RIMS2: variants seen among roughly 807,000 people sequenced by gnomAD.
RIMS2 encodes regulating synaptic membrane exocytosis 2.
A neutral mutation model predicts 174.4 loss-of-function variants in RIMS2; 59 were observed. The observed-to-expected ratio is 0.34, with a 90% CI of 0.27 to 0.42. RIMS2 has a LOEUF of 0.42. Among genes scored for constraint, RIMS2 ranks in the 10% least tolerant of loss-of-function variants. RIMS2 has a pLI of 1.00. For missense variants in RIMS2, 1,620 were observed against 1,666.3 expected (o/e 0.97, Z 0.48); for synonymous variants, 606 against 572.5 (o/e 1.06, Z -0.84).
At chr8:104,195,274 G>A (rs1428066977) in intron 19 of RIMS2, among the ~76,000 whole-genome samples, 1 of 152,084 alleles carries the variant, frequency 6.6e-6, no homozygotes, top group Non-Finnish European at 1.5e-5. Flanking sequence ...TTGAGGAAGA[G>A]GTAGAAGTCA....
At chr8:103,839,454 TTC>T (rs2098926439) in intron 3 of RIMS2, among the ~76,000 whole-genome samples, 1 of 152,192 alleles carries the variant, frequency 6.6e-6, no homozygotes, top group Non-Finnish European at 1.5e-5. Context: ...TCTTTTTTTT[TTC>T]TTTGTCATAG....
intron 1 of RIMS2, among the ~76,000 whole-genome samples, chr8:103,520,687 A>G (rs2130406534): frequency 6.6e-6 from 1 of 152,216 alleles, no homozygotes; most frequent in Non-Finnish European, 1.5e-5. Flanking sequence ...AAGCCCTGCT[A>G]TGGACTTACC....
intron 19 of RIMS2, among the ~76,000 whole-genome samples, chr8:104,037,360 T>G (rs2096537978): frequency 6.6e-6 from 1 of 152,214 alleles, no homozygotes. Context: ...ATCTTCATGC[T>G]TCTGTTTCAT....
In RIMS2 at chr8:104,152,196, T is replaced by C. The variant is rs1421112005; in HGVS notation, c.3335-92720T>C. On this transcript the variant is annotated intron_variant, in intron 19 of 23. Coordinates refer to ENST00000504942, the Ensembl canonical transcript of RIMS2. Reference sequence around the variant, plus strand: ...GGCAGATTTAAGAAATGTAGTCTTGTTTCTTGTTATATCATAAAGTTCCTT... The same window carrying C: ...GGCAGATTTAAGAAATGTAGTCTTGCTTCTTGTTATATCATAAAGTTCCTT... 2.0e-5 allele frequency among the ~76,000 whole-genome samples: 3 copies of C among 152,198 alleles called. 1 individual carries two copies. The highest frequency in any genetic ancestry group is 4.4e-5 in the Non-Finnish European group (3 of 68,022).
intron 15 of RIMS2, among the ~76,000 whole-genome samples, chr8:103,962,915 A>G (rs550805513): frequency 3.9e-5 from 6 of 152,288 alleles, no homozygotes; most frequent in Admixed American, 3.3e-4. Flanking sequence ...TACCTTTAGT[A>G]CTCAAAAATT....
chr8:103,677,360 T>G (rs1333625635), intron 1 of RIMS2, among the ~76,000 whole-genome samples: 5 of 152,202 alleles, frequency 3.3e-5, no homozygotes, highest in African/African-American at 1.2e-4. Flanking sequence ...AGTTTCTACC[T>G]GACCTAGTCA....
chr8:104,077,870 C>T (rs1387974361), intron 19 of RIMS2, among the ~76,000 whole-genome samples: 1 of 151,486 alleles, frequency 6.6e-6, no homozygotes, highest in Non-Finnish European at 1.5e-5. Context: ...TGGCCGGGCA[C>T]GGTGGCTCAC....
intron 19 of RIMS2, among the ~76,000 whole-genome samples, chr8:104,204,804 C>A (rs950072218): frequency 6.6e-6 from 1 of 152,080 alleles, no homozygotes; most frequent in Admixed American, 6.6e-5. Context: ...AGATTACAAC[C>A]CCTCTATAAG....
chr8:103,853,219 A>G (rs560045262), intron 3 of RIMS2, among the ~76,000 whole-genome samples: 7 of 152,044 alleles, frequency 4.6e-5, no homozygotes, highest in East Asian at 3.9e-4. Flanking sequence ...GGCTGCGTGT[A>G]TGTCTTCCTT....
chr8:103,645,599 C>T (rs1252208985), intron 1 of RIMS2, among the ~76,000 whole-genome samples: 2 of 152,028 alleles, frequency 1.3e-5, no homozygotes, highest in Non-Finnish European at 2.9e-5. Context: ...ATCACATAGT[C>T]ATAAGTTTAC....
At chr8:103,508,025 T>A (rs536113688) in intron 1 of RIMS2, among the ~76,000 whole-genome samples, 1 of 152,266 alleles carries the variant, frequency 6.6e-6, no homozygotes, top group African/African-American at 2.4e-5. Context: ...TTACTAGTAG[T>A]TTATTGCCTC....
chr8:103,935,218 A>G (rs923435810), intron 12 of RIMS2, among the ~76,000 whole-genome samples: 1 of 152,204 alleles, frequency 6.6e-6, no homozygotes, highest in Non-Finnish European at 1.5e-5. Context: ...TCCCATACAC[A>G]TTATCACTTC....
intron 19 of RIMS2, among the ~76,000 whole-genome samples, chr8:104,124,850 C>T (rs1472065083): frequency 6.6e-6 from 1 of 152,092 alleles, no homozygotes; most frequent in Non-Finnish European, 1.5e-5. Flanking sequence ...CCAATGATGA[C>T]AATCAGCATT....
intron 14 of RIMS2, among the ~76,000 whole-genome samples, chr8:103,948,431 C>A (rs1289120161): frequency 1.3e-5 from 2 of 152,196 alleles, no homozygotes; most frequent in Non-Finnish European, 2.9e-5. Context: ...TCCAAATATT[C>A]ATCAACCTGT....
intron 19 of RIMS2, among the ~76,000 whole-genome samples, chr8:104,134,203 G>A (rs774003445): frequency 2.0e-5 from 3 of 152,138 alleles, no homozygotes; most frequent in Non-Finnish European, 2.9e-5. Flanking sequence ...AGTGGCTCAC[G>A]CCTGTAATTC....
chr8:103,619,270 G>GA (rs981457326), intron 1 of RIMS2, among the ~76,000 whole-genome samples: 7 of 148,764 alleles, frequency 4.7e-5, no homozygotes, highest in Non-Finnish European at 9.0e-5. Flanking sequence ...AACTATTTCA[G>GA]AAAAAAAACA....
At chr8:104,205,055 C>T (rs1208625948) in intron 19 of RIMS2, among the ~76,000 whole-genome samples, 1 of 152,112 alleles carries the variant, frequency 6.6e-6, no homozygotes, top group Non-Finnish European at 1.5e-5. Context: ...TGGTGACATA[C>T]TAAAGTGAGA....
chr8:103,812,466 C>T lies in RIMS2; in HGVS notation c.698+45929C>T, dbSNP rs918266105. Among the ~76,000 whole-genome samples, 5 of 151,420 alleles carry T rather than the reference C, an allele frequency of 3.3e-5. No homozygotes were observed. The East Asian group carries it at 9.9e-4, about 30-fold the overall frequency. On this transcript the variant is annotated intron_variant, in intron 3 of 23. Coordinates refer to ENST00000504942, the Ensembl canonical transcript of RIMS2. ...CACTGTGCGATCTTGGTATATACCT[C>T]CGCCTCTTGGGTTCAAGCGATTCTC...
chr8:103,785,528 G>C lies in RIMS2; in HGVS notation c.698+18991G>C, dbSNP rs201477260. ...CTTTTTCTGCATCTATTGAGATAAT[G>C]ATGTGGTTTTTGTCTTTGGTTCTGT... is the stretch of plus-strand genomic sequence containing the variant. On this transcript the variant is annotated intron_variant, in intron 3 of 23. Coordinates refer to ENST00000504942, the Ensembl canonical transcript of RIMS2. Among the ~76,000 whole-genome samples, 1,379 of 152,054 alleles carry C rather than the reference G, an allele frequency of 9.1e-3. 15 individuals carry two copies. Among genetic ancestry groups the C allele is most frequent in the Non-Finnish European group, 0.014 (951 of 67,972 alleles).
Sources: gnomAD v4.1 joint callset for allele counts (sites outside exome capture counted in the v4.1 genomes callset) on GRCh38, gnomAD v4.1.1 for gene constraint, MANE v1.5 for transcripts, NCBI Gene and HGNC (gene_info 2026-07-23, HGNC 2026-07-21) for gene names.